The following TANC2 variants were observed in gnomAD, a reference collection of about 807,000 sequenced individuals.
TANC2 encodes the protein protein TANC2.
Under a neutral mutation model 210.5 loss-of-function variants are expected in TANC2, and 26 were observed. The ratio of observed to expected loss-of-function variants is 0.12; its 90% CI spans 0.09 to 0.17. The LOEUF (loss-of-function observed/expected upper bound fraction) is 0.17, where lower values mean the gene tolerates loss of function less well. Ranked by LOEUF, TANC2 falls within the 10% of genes least tolerant of loss-of-function variation. TANC2 has a pLI of 1.00. For synonymous variants in TANC2, 931 were observed against 967.1 expected, an observed-to-expected ratio of 0.96 and a Z score of 0.69; for missense variants, 2,129 against 2,608.9, an observed-to-expected ratio of 0.82 and a Z score of 4.01.
At chr17:63,350,873 A>G (rs1169472505) in intron 12 of TANC2, among the ~76,000 whole-genome samples, 2 of 102,028 alleles carry the variant, frequency 2.0e-5, no homozygotes, top group African/African-American at 1.1e-4. Context: ...GCTGTCAGAT[A>G]GGGAAAAAAA....
chr17:63,374,564 C>T (rs1483145256), intron 14 of TANC2, among the ~76,000 whole-genome samples: 2 of 151,964 alleles, frequency 1.3e-5, no homozygotes, highest in Non-Finnish European at 2.9e-5. Flanking sequence ...TATCGGGGGG[C>T]ACCAGGGAAG....
At chr17:63,061,807 C>G (rs2144537737) in intron 2 of TANC2, among the ~76,000 whole-genome samples, 1 of 152,096 alleles carries the variant, frequency 6.6e-6, no homozygotes, top group Admixed American at 6.5e-5. Flanking sequence ...TAATCCCTTT[C>G]TTCTCTTTAT....
intron 11 of TANC2, among the ~76,000 whole-genome samples, chr17:63,327,854 A>G (rs955111111): frequency 9.2e-5 from 14 of 152,128 alleles, no homozygotes; most frequent in Non-Finnish European, 1.8e-4. Flanking sequence ...TACATGTGCC[A>G]TGCTGGTGTG....
chr17:63,417,151 T>G (rs778417631), intron 26 of TANC2, among the ~76,000 whole-genome samples: 10 of 152,216 alleles, frequency 6.6e-5, no homozygotes, highest in Non-Finnish European at 1.2e-4. Context: ...CGGTTGTTAA[T>G]CACCTCCTGG....
chr17:63,308,663 A>G (rs1033467798), intron 9 of TANC2, among the ~76,000 whole-genome samples: 5 of 152,242 alleles, frequency 3.3e-5, no homozygotes, highest in African/African-American at 1.2e-4. Flanking sequence ...ATGTATACAC[A>G]GTAAAAGTGG....
Position 63,107,772 on chromosome 17 carries a change from A to G in TANC2, c.322+8415A>G, listed in dbSNP as rs904314488. ...AATGTCCAGAATAGGCAAGTAATCT[A>G]TAGAGACAGAATGTTAATTGGTGGT... On this transcript the variant is annotated intron_variant, in intron 4 of 27. Coordinates refer to ENST00000689528, the Ensembl canonical transcript of TANC2. 4.2e-4 allele frequency among the ~76,000 whole-genome samples: 64 copies of G among 151,688 alleles called. 1 individual carries two copies. Among genetic ancestry groups the G allele is most frequent in the Admixed American group, 1.4e-3 (21 of 15,268 alleles).
At chr17:63,270,728 G>A (rs900761877) in intron 9 of TANC2, among the ~76,000 whole-genome samples, 9 of 152,078 alleles carry the variant, frequency 5.9e-5, no homozygotes, top group African/African-American at 2.2e-4. Context: ...ATAGGTATGA[G>A]TCATGGGGGT....
intron 11 of TANC2, among the ~76,000 whole-genome samples, chr17:63,329,229 C>A (rs957454917): frequency 1.3e-5 from 2 of 151,310 alleles, no homozygotes; most frequent in African/African-American, 2.4e-5. Flanking sequence ...AAAATTATAG[C>A]ATATACTACA....
At chr17:63,173,230 A>G (rs890178585) in intron 5 of TANC2, among the ~76,000 whole-genome samples, 1 of 152,246 alleles carries the variant, frequency 6.6e-6, no homozygotes, top group Non-Finnish European at 1.5e-5. Flanking sequence ...TTATCTTAAC[A>G]CTATCCTTTG....
chr17:63,185,724 T>C (rs1309882239), intron 5 of TANC2, among the ~76,000 whole-genome samples: 1 of 152,256 alleles, frequency 6.6e-6, no homozygotes, highest in Non-Finnish European at 1.5e-5. Flanking sequence ...CAGTATCTCA[T>C]TGGAGTTTTG....
At chr17:63,364,817 C>G (rs1036459358) in intron 14 of TANC2, among the ~76,000 whole-genome samples, 1 of 151,738 alleles carries the variant, frequency 6.6e-6, no homozygotes, top group African/African-American at 2.4e-5. Flanking sequence ...GAACAGCCAA[C>G]TAATGAAAAC....
At chr17:63,028,009 G>A (rs1323548115) in intron 2 of TANC2, among the ~76,000 whole-genome samples, 3 of 151,512 alleles carry the variant, frequency 2.0e-5, no homozygotes, top group Non-Finnish European at 4.4e-5. Context: ...TCCAGATTTA[G>A]AGTGCTCTGA....
rs761516003 is a variant in TANC2, at chr17:63,057,472, A to ATTTATAGG, written c.68-16469_68-16462dup. Among the ~76,000 whole-genome samples the ATTTATAGG allele has an allele frequency of 2.9e-4, 44 of 152,042 alleles. 1 individual carries two copies. Among genetic ancestry groups the ATTTATAGG allele is most frequent in the Admixed American group, 1.5e-3 (23 of 15,268 alleles). On this transcript the variant is annotated intron_variant, in intron 2 of 27. Coordinates refer to ENST00000689528, the Ensembl canonical transcript of TANC2. ...GGTCTAGGTTTACACGTGCAGGTTG[A>ATTTATAGG]TTTATAGGTGAATTTGTGTCATGGG...
intron 9 of TANC2, among the ~76,000 whole-genome samples, chr17:63,311,853 C>T (rs898034677): frequency 1.4e-4 from 21 of 152,192 alleles, no homozygotes; most frequent in African/African-American, 5.1e-4. Context: ...GCCACATACT[C>T]TATGATTCTG....
intron 15 of TANC2, among the ~76,000 whole-genome samples, chr17:63,388,260 A>G (rs1368313432): frequency 6.6e-6 from 1 of 152,248 alleles, no homozygotes; most frequent in Non-Finnish European, 1.5e-5. Flanking sequence ...ATGTTCAGGA[A>G]GAAAATGAAA....
intron 2 of TANC2, among the ~76,000 whole-genome samples, chr17:63,046,167 T>TG (rs1279870233): frequency 6.9e-6 from 1 of 145,038 alleles, no homozygotes; most frequent in African/African-American, 2.5e-5. Flanking sequence ...TATTAAATTC[T>TG]TTTTTTTTTT....
chr17:63,138,912 A>G (rs1464538121), intron 4 of TANC2, among the ~76,000 whole-genome samples: 1 of 152,242 alleles, frequency 6.6e-6, no homozygotes, highest in Non-Finnish European at 1.5e-5. Flanking sequence ...CACAGATTAC[A>G]CGTGTGTACC....
At chr17:63,324,798 A>G (rs1443151326) in intron 11 of TANC2, among the ~76,000 whole-genome samples, 1 of 152,156 alleles carries the variant, frequency 6.6e-6, no homozygotes, top group East Asian at 1.9e-4. Context: ...AGAATGGGTC[A>G]GTGTTTAAAT....
At chr17:63,083,407 G>A (rs1266775471) in intron 3 of TANC2, among the ~76,000 whole-genome samples, 3 of 152,038 alleles carry the variant, frequency 2.0e-5, no homozygotes, top group Admixed American at 6.6e-5. Context: ...TACCATATCC[G>A]CCTGGGAACT....
Sources: allele counts gnomAD v4.1 joint callset (sites outside exome capture counted in the v4.1 genomes callset), GRCh38; gene constraint gnomAD v4.1.1; transcripts MANE v1.5; gene names NCBI Gene and HGNC (gene_info 2026-07-23, HGNC 2026-07-21).